The following GFRA2 variants were observed in gnomAD, a reference collection of about 807,000 sequenced individuals.
The protein encoded by GFRA2 is GDNF family receptor alpha-2.
In GFRA2, 17 loss-of-function variants were observed where a neutral mutation model predicts 48.3. That is an observed-to-expected ratio of 0.35 (90% CI 0.24 to 0.53). The LOEUF is 0.53. Ranked by LOEUF, GFRA2 falls within the 20% of genes least tolerant of loss-of-function variation. The pLI is 0.93. For synonymous variants in GFRA2, 305 were observed against 257.2 expected, an observed-to-expected ratio of 1.19 and a Z score of -1.78; for missense variants, 660 against 637.3, an observed-to-expected ratio of 1.04 and a Z score of -0.38.
chr8:21,771,711 A>T (rs1262814984), intron 3 of GFRA2, among the ~76,000 whole-genome samples: 1 of 152,184 alleles, frequency 6.6e-6, no homozygotes, highest in Non-Finnish European at 1.5e-5. Context: ...GCTGGTAAAC[A>T]GATAGTAGCA....
At chr8:21,778,963 G>A (rs917686166) in intron 2 of GFRA2, among the ~76,000 whole-genome samples, 6 of 152,126 alleles carry the variant, frequency 3.9e-5, no homozygotes, top group African/African-American at 9.7e-5. Context: ...CACTTTGGTA[G>A]GCCGAGACAC....
chr8:21,713,128 A>G (rs187074536), intron 4 of GFRA2, among the ~76,000 whole-genome samples: 68 of 152,168 alleles, frequency 4.5e-4, no homozygotes, highest in Middle Eastern at 3.4e-3. Context: ...TATCCAGAAT[A>G]TTTATTTAAC....
chr8:21,774,694 T>C lies in GFRA2; in HGVS notation c.439+278A>G, dbSNP rs1377274165. On this transcript the variant is annotated intron_variant, in intron 3 of 8. Transcript: ENST00000524240. ...CTGGAAAGAGGGAACAAGGGTAAGA[T>C]AGAAGGGTGACACCAGGTTCCAGAT... Among the ~76,000 whole-genome samples the C allele has an allele frequency of 3.9e-5, 6 of 152,168 alleles. No homozygotes were observed. The South Asian group carries it at 6.2e-4, about 16-fold the overall frequency.
At position 21,705,842 on chromosome 8, in the gene GFRA2, C is replaced by G. The variant is rs529143940; in HGVS notation, c.904+90G>C. 4.2e-5 allele frequency: 34 copies of G among 800,394 alleles called. 1 individual carries two copies. The East Asian group carries it at 4.3e-4, about 10-fold the overall frequency. The allele number at this position is 800,394 out of a possible 1,614,324, so 49.6% of individuals were successfully genotyped here. On this transcript the variant is annotated intron_variant, in intron 5 of 8. Coordinates refer to ENST00000524240, the MANE Select transcript of GFRA2 (RefSeq NM_001495.5). ...AAGGCCGGGCTCAGGCTGTCTCCCC[C>G]AGCTGGCCCTGAGCTGGGCTGCGGC... is the stretch of plus-strand genomic sequence containing the variant.
chr8:21,736,219 G>C (rs539055327), intron 4 of GFRA2, among the ~76,000 whole-genome samples: 2 of 152,260 alleles, frequency 1.3e-5, no homozygotes, highest in Admixed American at 6.5e-5. Flanking sequence ...GCAAAGCCAA[G>C]CTGTTCAAGC....
In GFRA2 at chr8:21,759,463, A is replaced by T. The variant is rs573497840; in HGVS notation, c.440-8521T>A. Among the ~76,000 whole-genome samples the T allele has an allele frequency of 3.0e-4, 30 of 101,154 alleles. 1 individual carries two copies. Among genetic ancestry groups the T allele is most frequent in the African/African-American group, 1.2e-3 (30 of 25,584 alleles). The allele number at this position is 101,154 out of a possible 152,430, so 66.4% of individuals were successfully genotyped here. ...GAGGGAGAGAGGGAGAGAGGGAGGGAGGGAGGGAGGGAAAGAAGGAAAGAA... is the reference window on the plus strand; with the variant it reads ...GAGGGAGAGAGGGAGAGAGGGAGGGTGGGAGGGAGGGAAAGAAGGAAAGAA... On this transcript the variant is annotated intron_variant, in intron 3 of 8. Coordinates refer to ENST00000524240, the MANE Select transcript of GFRA2 (RefSeq NM_001495.5).
chr8:21,731,109 C>A (rs909999455), intron 4 of GFRA2, among the ~76,000 whole-genome samples: 34 of 152,234 alleles, frequency 2.2e-4, no homozygotes, highest in African/African-American at 7.5e-4. Flanking sequence ...CCTCCCAGCA[C>A]CCCCATCTAG....
intron 4 of GFRA2, among the ~76,000 whole-genome samples, chr8:21,724,341 CG>C (rs1563229370): frequency 1.3e-5 from 2 of 151,846 alleles, no homozygotes; most frequent in African/African-American, 4.8e-5. Flanking sequence ...GGGGTTGGTG[CG>C]GGGCTGTTGA....
rs139258766 is a variant in GFRA2, at chr8:21,763,246, A to G, written c.439+11726T>C. On this transcript the variant is annotated intron_variant, in intron 3 of 8. Transcript: ENST00000524240. ...GTAAATCAATGCATTTTGTAAAATC[A>G]GTGACTTTGTTATTTAGCATCCTAA... Among the ~76,000 whole-genome samples the G allele has an allele frequency of 2.3e-3, 344 of 152,354 alleles. 3 individuals are homozygous for G. The highest frequency in any genetic ancestry group is 0.017 in the Admixed American group (257 of 15,308).
At chr8:21,775,886 G>A (rs1806669158) in intron 2 of GFRA2, among the ~76,000 whole-genome samples, 2 of 152,160 alleles carry the variant, frequency 1.3e-5, no homozygotes, top group Non-Finnish European at 2.9e-5. Context: ...CCCCACCACA[G>A]TGTCAGGAAT....
intron 2 of GFRA2, among the ~76,000 whole-genome samples, chr8:21,781,558 C>T (rs940100641): frequency 2.0e-5 from 3 of 152,132 alleles, no homozygotes; most frequent in African/African-American, 4.8e-5. Context: ...ACAGCAAAGA[C>T]GTGGATGCCC....
intron 4 of GFRA2, among the ~76,000 whole-genome samples, chr8:21,718,161 G>T (rs1197666140): frequency 6.6e-6 from 1 of 152,186 alleles, no homozygotes; most frequent in Non-Finnish European, 1.5e-5. Flanking sequence ...CCAGTAGCAG[G>T]TAACTGAATC....
chr8:21,709,674 C>A (rs959245166), intron 4 of GFRA2, among the ~76,000 whole-genome samples: 3 of 152,126 alleles, frequency 2.0e-5, no homozygotes, highest in African/African-American at 7.2e-5. Context: ...CCACAGCAGA[C>A]CAGAGGGCCC....
At chr8:21,753,708 T>G (rs931261188) in intron 3 of GFRA2, among the ~76,000 whole-genome samples, 2 of 152,256 alleles carry the variant, frequency 1.3e-5, no homozygotes, top group African/African-American at 2.4e-5. Flanking sequence ...GGGGTATTTT[T>G]GATCTATGAT....
chr8:21,775,331 C>T (rs2117708841), intron 2 of GFRA2, among the ~76,000 whole-genome samples: 1 of 152,358 alleles, frequency 6.6e-6, no homozygotes, highest in Middle Eastern at 3.4e-3. Context: ...CTCTCGTGAC[C>T]ACCCTGCATG....
intron 2 of GFRA2, among the ~76,000 whole-genome samples, chr8:21,778,033 G>A (rs1585331683): frequency 6.6e-6 from 1 of 152,184 alleles, no homozygotes; most frequent in African/African-American, 2.4e-5. Context: ...ACTGCATACT[G>A]AGAGCTAAGT....
intron 1 of GFRA2, among the ~76,000 whole-genome samples, chr8:21,786,316 C>A (rs953246015): frequency 1.3e-5 from 2 of 152,264 alleles, no homozygotes; most frequent in Non-Finnish European, 1.5e-5. Context: ...GGGGCCCACA[C>A]TGCTCTTCTC....
At chr8:21,723,217 A>G (rs567058097) in intron 4 of GFRA2, among the ~76,000 whole-genome samples, 2 of 152,310 alleles carry the variant, frequency 1.3e-5, no homozygotes, top group East Asian at 3.9e-4. Flanking sequence ...AGGAATGAGG[A>G]GACTCTTAGT....
chr8:21,768,211 G>C lies in GFRA2; in HGVS notation c.439+6761C>G, dbSNP rs34315500. Among the ~76,000 whole-genome samples the C allele has an allele frequency of 5.6e-3, 848 of 152,374 alleles. 4 individuals carry two copies. Among genetic ancestry groups the C allele is most frequent in the African/African-American group, 0.019 (787 of 41,592 alleles). On this transcript the variant is annotated intron_variant, in intron 3 of 8. Transcript: ENST00000524240. The stretch of plus-strand genomic sequence containing the variant: ...GAAAGGGGAGGTGTCGGAGGTGACA[G>C]AGCTGCAGCTAAAGCCCAATTTTCG...
Sources: allele counts gnomAD v4.1 joint callset (sites outside exome capture counted in the v4.1 genomes callset), GRCh38; gene constraint gnomAD v4.1.1; transcripts MANE v1.5; gene names NCBI Gene and HGNC (gene_info 2026-07-23, HGNC 2026-07-21).